Variants in LARGE1 observed in about 807,000 individuals in gnomAD.
LARGE1 encodes LARGE xylosyl- and glucuronyltransferase 1, also known as xylosyl- and glucuronyltransferase LARGE1.
LARGE1 carries 43 observed loss-of-function variants against 87.6 expected under a neutral mutation model. That is an observed-to-expected ratio of 0.49 (90% CI 0.38 to 0.63). The LOEUF (loss-of-function observed/expected upper bound fraction) is 0.63. Ranked by LOEUF, LARGE1 falls within the 30% of genes least tolerant of loss-of-function variation. LARGE1 has a pLI of 0.00. For missense variants in LARGE1, 802 were observed against 1,000.2 expected (o/e 0.80, Z 2.67); for synonymous variants, 434 against 394.6 (o/e 1.10, Z -1.18).
At chr22:33,504,117 C>T (rs1167474244) in intron 6 of LARGE1, among the ~76,000 whole-genome samples, 4 of 152,220 alleles carry the variant, frequency 2.6e-5, no homozygotes, top group East Asian at 3.9e-4. Context: ...CCTAGGGCAG[C>T]GGTAATGGGA....
chr22:33,506,038 G>C (rs1045525128), intron 6 of LARGE1, among the ~76,000 whole-genome samples: 1 of 151,972 alleles, frequency 6.6e-6, no homozygotes, highest in African/African-American at 2.4e-5. Context: ...CTTTACAACT[G>C]CCACTCAATT....
chr22:33,733,514 A>G (rs1601461167), intron 2 of LARGE1: 1 of 152,352 alleles, frequency 6.6e-6, no homozygotes, highest in South Asian at 2.1e-4. Flanking sequence ...AAGAGACTCA[A>G]ATAGAGATGA....
chr22:33,549,057 T>C (rs911114599), intron 6 of LARGE1, among the ~76,000 whole-genome samples: 1 of 152,200 alleles, frequency 6.6e-6, no homozygotes, highest in Non-Finnish European at 1.5e-5. Context: ...GGGAAGCTGG[T>C]AATTTCCACC....
chr22:33,650,016 T>C (rs147959009), intron 3 of LARGE1, among the ~76,000 whole-genome samples: 1 of 152,256 alleles, frequency 6.6e-6, no homozygotes, highest in African/African-American at 2.4e-5. Context: ...ATTCACACTA[T>C]AGTCTAAGAA....
intron 12 of LARGE1, among the ~76,000 whole-genome samples, chr22:33,285,519 G>C (rs760717769): frequency 2.0e-5 from 3 of 152,144 alleles, no homozygotes; most frequent in African/African-American, 7.2e-5. Flanking sequence ...AGCTATTCAG[G>C]AGGCTGAGGC....
chr22:33,466,544 G>A (rs182083834), intron 6 of LARGE1, among the ~76,000 whole-genome samples: 67 of 152,022 alleles, frequency 4.4e-4, no homozygotes, highest in African/African-American at 1.5e-3. Context: ...TAGATGAGCT[G>A]TGAATGTTAC....
At chr22:33,441,763 G>A (rs895792267) in intron 6 of LARGE1, among the ~76,000 whole-genome samples, 12 of 152,188 alleles carry the variant, frequency 7.9e-5, no homozygotes, top group Middle Eastern at 3.4e-3. Flanking sequence ...AGGTAATATC[G>A]AGTAAACTCT....
At chr22:33,662,683 T>C (rs1038374981) in intron 2 of LARGE1, among the ~76,000 whole-genome samples, 3 of 152,024 alleles carry the variant, frequency 2.0e-5, no homozygotes, top group South Asian at 2.1e-4. Context: ...AGTGGCAACA[T>C]AGCCATCCAA....
At chr22:33,441,230 T>C (rs1360229540) in intron 6 of LARGE1, among the ~76,000 whole-genome samples, 3 of 151,750 alleles carry the variant, frequency 2.0e-5, no homozygotes, top group Non-Finnish European at 4.4e-5. Context: ...CTTGCCGCCA[T>C]GCCCAGCTAA....
chr22:33,535,773 C>A (rs1051725397), intron 6 of LARGE1, among the ~76,000 whole-genome samples: 3 of 152,162 alleles, frequency 2.0e-5, no homozygotes, highest in African/African-American at 7.2e-5. Context: ...TCAGCCCACT[C>A]CTTGCCTTGT....
chr22:33,125,725 G>A, the LARGE1 span, among the ~76,000 whole-genome samples: 3 of 152,158 alleles, frequency 2.0e-5, no homozygotes, highest in African/African-American at 7.2e-5. Context: ...GATTACAGGT[G>A]TGAGTCACTG....
intron 11 of LARGE1, among the ~76,000 whole-genome samples, chr22:33,216,046 T>C (rs1925187241): frequency 1.3e-5 from 2 of 152,208 alleles, no homozygotes; most frequent in Non-Finnish European, 2.9e-5. Flanking sequence ...AGGATCCAAT[T>C]TTATTTTTTT....
intron 11 of LARGE1, among the ~76,000 whole-genome samples, chr22:33,200,774 A>G (rs1391574466): frequency 1.3e-5 from 2 of 152,204 alleles, no homozygotes; most frequent in Non-Finnish European, 2.9e-5. Flanking sequence ...TAAAGACAGA[A>G]AGTAAATCAA....
At chr22:33,358,657 T>C (rs1256808931) in intron 9 of LARGE1, among the ~76,000 whole-genome samples, 3 of 152,118 alleles carry the variant, frequency 2.0e-5, no homozygotes, top group Non-Finnish European at 4.4e-5. Context: ...TACCAATTTA[T>C]AAATGGACTG....
chr22:33,309,332 A>G (rs930264461), intron 11 of LARGE1, among the ~76,000 whole-genome samples: 1 of 152,090 alleles, frequency 6.6e-6, no homozygotes, highest in Non-Finnish European at 1.5e-5. Context: ...ACAGCTGGCT[A>G]AGTTTTCTAT....
chr22:33,338,993 T>C (rs1163412698), intron 9 of LARGE1, among the ~76,000 whole-genome samples: 3 of 151,154 alleles, frequency 2.0e-5, no homozygotes, highest in Admixed American at 2.0e-4. Context: ...ACCAAAAATA[T>C]AAAAATTAGC....
chr22:33,588,406 T>A (rs1015686512), intron 5 of LARGE1, among the ~76,000 whole-genome samples: 1 of 152,176 alleles, frequency 6.6e-6, no homozygotes. Flanking sequence ...AGAAGAAAGA[T>A]GAGGAAGGGA....
chr22:33,251,525 A>T (rs1927009097), intron 11 of LARGE1, among the ~76,000 whole-genome samples: 1 of 152,160 alleles, frequency 6.6e-6, no homozygotes, highest in Non-Finnish European at 1.5e-5. Flanking sequence ...ATATATGCTT[A>T]ATTCTAGTAC....
intron 8 of LARGE1, among the ~76,000 whole-genome samples, chr22:33,382,521 T>C (rs1288701715): frequency 6.6e-6 from 1 of 152,114 alleles, no homozygotes; most frequent in Non-Finnish European, 1.5e-5. Flanking sequence ...GGGCCTGCGG[T>C]GGACTCAGTG....
Sources: allele counts gnomAD v4.1 joint callset (sites outside exome capture counted in the v4.1 genomes callset), GRCh38; gene constraint gnomAD v4.1.1; transcripts MANE v1.5; gene names NCBI Gene and HGNC (gene_info 2026-07-23, HGNC 2026-07-21).